ARL3: variants seen among roughly 807,000 people sequenced by gnomAD.
ARL3 encodes ARF like GTPase 3.
In ARL3, 9 loss-of-function variants were observed where a neutral mutation model predicts 26.0. That is an observed-to-expected ratio of 0.35 (90% CI 0.21 to 0.60). The LOEUF is 0.60. Among genes scored for constraint, ARL3 ranks in the 20% least tolerant of loss-of-function variants. ARL3 has a pLI of 0.78. For missense variants in ARL3, 158 were observed against 215.7 expected (o/e 0.73, Z 1.67); for synonymous variants, 71 against 78.4 (o/e 0.91, Z 0.50).
At chr10:102,683,736 G>A (rs899782218) in intron 5 of ARL3, among the ~76,000 whole-genome samples, 2 of 152,006 alleles carry the variant, frequency 1.3e-5, no homozygotes, top group African/African-American at 2.4e-5. Context: ...TAAAGATCCC[G>A]TGAAGGGCAC....
rs77775065 is a variant in ARL3, at chr10:102,678,075, G to A, written c.502-1134C>T. Among the ~76,000 whole-genome samples the A allele has an allele frequency of 2.5e-3, 385 of 152,268 alleles. 1 individual carries two copies. Among genetic ancestry groups the A allele is most frequent in the African/African-American group, 8.8e-3 (364 of 41,536 alleles). On this transcript the variant is annotated intron_variant, in intron 5 of 5. Transcript: ENST00000260746. ...ATCCTCTCTCCTGGCTCATCTGACC[G>A]TCACCTGAATTTACAGTGATTACAA...
chr10:102,696,890 T>C (rs1403628695), intron 3 of ARL3, among the ~76,000 whole-genome samples: 1 of 152,192 alleles, frequency 6.6e-6, no homozygotes, highest in Non-Finnish European at 1.5e-5. Flanking sequence ...TATATAGTCA[T>C]GTGTTGCTTA....
chr10:102,697,912 A>G (rs2064257501), intron 3 of ARL3, among the ~76,000 whole-genome samples: 1 of 152,210 alleles, frequency 6.6e-6, no homozygotes. Context: ...GCAATGTGGA[A>G]TTATCAGTGA....
intron 3 of ARL3, among the ~76,000 whole-genome samples, chr10:102,697,661 C>A (rs934788922): frequency 6.6e-6 from 1 of 152,026 alleles, no homozygotes; most frequent in Non-Finnish European, 1.5e-5. Flanking sequence ...ACGAGGTCAC[C>A]TAAGCAGTGA....
intron 4 of ARL3, 141 bp downstream of exon 4, chr10:102,689,752 T>C (rs765261390): frequency 7.0e-5 from 28 of 397,556 alleles, no homozygotes; most frequent in Non-Finnish European, 1.0e-4. Flanking sequence ...TGCTTGAACC[T>C]GGGAGGCGGA....
intron 3 of ARL3, among the ~76,000 whole-genome samples, chr10:102,691,708 A>G (rs1012333476): frequency 6.6e-6 from 1 of 152,176 alleles, no homozygotes; most frequent in Non-Finnish European, 1.5e-5. Flanking sequence ...ACGGTACTCT[A>G]GAGATAATGG....
intron 2 of ARL3, among the ~76,000 whole-genome samples, chr10:102,702,343 G>A (rs1300768942): frequency 1.3e-5 from 2 of 151,964 alleles, no homozygotes; most frequent in African/African-American, 4.8e-5. Context: ...GTCTGACTGG[G>A]CATTATAGGT....
intron 3 of ARL3, among the ~76,000 whole-genome samples, chr10:102,696,305 G>A (rs1361322795): frequency 7.7e-6 from 1 of 130,346 alleles, no homozygotes; most frequent in Non-Finnish European, 1.6e-5. Flanking sequence ...TTGGTCTGTC[G>A]CCAAAGCTGG....
chr10:102,705,562 T>C (rs1029984758), intron 1 of ARL3, 73 bp from the exon 2 acceptor site: 1 of 1,375,104 alleles, frequency 7.3e-7, no homozygotes, highest in African/African-American at 1.5e-5. Context: ...TGAGAATAAC[T>C]TCTCCTTGAA....
chr10:102,686,458 TTTTC>T (rs781441273), intron 4 of ARL3, among the ~76,000 whole-genome samples: 18 of 150,010 alleles, frequency 1.2e-4, no homozygotes, highest in Non-Finnish European at 2.4e-4. Context: ...AAACTTTTTT[TTTTC>T]TTTCTTTTTT....
intron 3 of ARL3, among the ~76,000 whole-genome samples, chr10:102,692,737 C>G (rs1307181263): frequency 6.6e-6 from 1 of 151,740 alleles, no homozygotes; most frequent in Non-Finnish European, 1.5e-5. Context: ...GAGACAGAGT[C>G]TCGCTCTGTC....
chr10:102,695,424 T>G (rs2064241905), intron 3 of ARL3, among the ~76,000 whole-genome samples: 1 of 152,248 alleles, frequency 6.6e-6, no homozygotes, highest in Admixed American at 6.5e-5. Context: ...TGTTCACTGC[T>G]GATATAAAGG....
In ARL3 at chr10:102,684,445, G is replaced by A. The variant is rs186572085; in HGVS notation, c.501+1371C>T. 3.9e-5 allele frequency among the ~76,000 whole-genome samples: 6 copies of A among 152,020 alleles called. No homozygotes were observed. In the East Asian group the frequency reaches 9.7e-4, roughly 25 times the overall value. On this transcript the variant is annotated intron_variant, in intron 5 of 5. Coordinates refer to ENST00000260746, the MANE Select transcript of ARL3 (RefSeq NM_004311.4). The stretch of plus-strand genomic sequence containing the variant: ...ATTACAGGTGTGAGCCACCACAGCC[G>A]GCTACTCTCAGCTTTCTAAATTTGT...
At chr10:102,684,413 T>C (rs763407772) in intron 5 of ARL3, among the ~76,000 whole-genome samples, 15 of 152,070 alleles carry the variant, frequency 9.9e-5, no homozygotes, top group Admixed American at 6.6e-5. Flanking sequence ...CCTCCCAAAG[T>C]GCTGGGATTA....
chr10:102,703,474 C>T (rs1166888916), intron 2 of ARL3, among the ~76,000 whole-genome samples: 2 of 104,412 alleles, frequency 1.9e-5, no homozygotes, highest in Middle Eastern at 0.012. Flanking sequence ...GATGGAGTCT[C>T]GCTCTGTCGC....
chr10:102,687,266 C>CAG (rs2064192937), intron 4 of ARL3, among the ~76,000 whole-genome samples: 2 of 151,708 alleles, frequency 1.3e-5, no homozygotes, highest in Non-Finnish European at 2.9e-5. Flanking sequence ...CAATATCTCA[C>CAG]TCTGTCATCC....
chr10:102,677,998 G>A (rs1212760168), intron 5 of ARL3, among the ~76,000 whole-genome samples: 1 of 151,968 alleles, frequency 6.6e-6, no homozygotes, highest in Non-Finnish European at 1.5e-5. Flanking sequence ...TTGGCCATTC[G>A]GAACATTAAT....
chr10:102,693,659 T>G (rs2064231649), intron 3 of ARL3, among the ~76,000 whole-genome samples: 1 of 152,138 alleles, frequency 6.6e-6, no homozygotes, highest in South Asian at 2.1e-4. Flanking sequence ...CAGTCTCTTT[T>G]GCAGAGCAGA....
intron 1 of ARL3, among the ~76,000 whole-genome samples, chr10:102,708,307 G>A (rs1033574787): frequency 2.0e-5 from 3 of 151,970 alleles, no homozygotes; most frequent in African/African-American, 7.3e-5. Context: ...TCACCTTTCA[G>A]AAAAGTAAAA....
Sources: allele counts gnomAD v4.1 joint callset (sites outside exome capture counted in the v4.1 genomes callset), GRCh38; gene constraint gnomAD v4.1.1; transcripts MANE v1.5; gene names NCBI Gene and HGNC (gene_info 2026-07-23, HGNC 2026-07-21).